ZNF469: variants seen among roughly 807,000 people sequenced by gnomAD.
ZNF469 encodes zinc finger protein 469.
ZNF469 carries 1 observed loss-of-function variant against 1.0 expected under a neutral mutation model. The observed-to-expected ratio is 1.00, with a 90% CI of 0.35 to 4.73. The LOEUF is 4.73. Ranked by LOEUF, ZNF469 falls within the 30% of genes most tolerant of loss-of-function variation. The probability of loss-of-function intolerance (pLI) is 0.16; values close to 1 mark genes in which losing one functional copy is unlikely to be tolerated. For synonymous variants in ZNF469, 2,703 were observed against 2,363.4 expected, an observed-to-expected ratio of 1.14 and a Z score of -4.17; for missense variants, 6,100 against 5,356.3, an observed-to-expected ratio of 1.14 and a Z score of -4.33.
At chr16:88,279,430 C>G in the ZNF469 span, among the ~76,000 whole-genome samples, 3 of 147,560 alleles carry the variant, frequency 2.0e-5, no homozygotes, top group Non-Finnish European at 4.4e-5. Flanking sequence ...GACACTCGGT[C>G]AGTACCATGT....
the ZNF469 span, among the ~76,000 whole-genome samples, chr16:88,268,607 C>T: frequency 6.6e-6 from 1 of 152,224 alleles, no homozygotes; most frequent in African/African-American, 2.4e-5. Flanking sequence ...GGGTCAAGTG[C>T]TTGGTGCCTC....
the ZNF469 span, among the ~76,000 whole-genome samples, chr16:88,109,318 T>C: frequency 0.25 from 38,235 of 152,088 alleles, 6,657 homozygotes; most frequent in East Asian, 0.53. Flanking sequence ...GCTCCCCCTG[T>C]CCAGGCCCAC....
the ZNF469 span, among the ~76,000 whole-genome samples, chr16:88,265,313 G>A: frequency 6.6e-6 from 1 of 152,194 alleles, no homozygotes; most frequent in African/African-American, 2.4e-5. Context: ...GAGGCCAGGG[G>A]CCTTCCTGGG....
At chr16:88,376,077 C>T in the ZNF469 span, among the ~76,000 whole-genome samples, 2 of 152,226 alleles carry the variant, frequency 1.3e-5, no homozygotes, top group Non-Finnish European at 2.9e-5. Context: ...AGGTTCAGGG[C>T]GGGCGGCACG....
chr16:88,331,664 TTCATCACCACCATCACTATTATCACCA>T, the ZNF469 span, among the ~76,000 whole-genome samples: 2 of 124,632 alleles, frequency 1.6e-5, no homozygotes, highest in South Asian at 5.6e-4. Context: ...CATCATCATC[TTCATCACCACCATCACTATTATCACCA>T]TCATCACCAC....
chr16:88,126,185 TC>T, the ZNF469 span, among the ~76,000 whole-genome samples: 2 of 66,286 alleles, frequency 3.0e-5, 1 homozygote. Context: ...TGAGACTCCA[TC>T]CCAAAAAAAA....
chr16:88,355,788 G>A, the ZNF469 span, among the ~76,000 whole-genome samples: 1 of 152,180 alleles, frequency 6.6e-6, no homozygotes, highest in African/African-American at 2.4e-5. Flanking sequence ...CGGGGCCGGG[G>A]GACACTCAGG....
chr16:88,253,398 G>C, the ZNF469 span, among the ~76,000 whole-genome samples: 9 of 151,902 alleles, frequency 5.9e-5, no homozygotes, highest in Non-Finnish European at 1.3e-4. Context: ...TAGTGAGCGT[G>C]AGGCTGCATC....
chr16:88,366,810 A>T, the ZNF469 span, among the ~76,000 whole-genome samples: 1 of 151,172 alleles, frequency 6.6e-6, no homozygotes, highest in Middle Eastern at 3.3e-3. Context: ...CATTACTGTC[A>T]TCACCACCAC....
At chr16:88,276,455 G>A in the ZNF469 span, 1 of 152,178 alleles carries the variant, frequency 6.6e-6, no homozygotes, top group Non-Finnish European at 1.5e-5. Flanking sequence ...CAGCCTAAAT[G>A]TCTGTGTGTG....
chr16:88,433,548 G>C lies in ZNF469; in HGVS notation c.6078G>C (p.Leu2026=), dbSNP rs769330310. ...ASVNASPKTA[L]TGPTEGAVLL... ...TCAATGCCAGTCCCAAAACAGCGCT[G>C]ACCGGCCCCACCGAGGGTGCAGTCC... The change falls in exon 3 of 3, where the codon CTG becomes CTC. Residue 2026 remains leucine (L), a synonymous_variant. Transcript: ENST00000565624. 42 of 1,550,290 alleles carry C rather than the reference G, an allele frequency of 2.7e-5. No individual in the cohort carries two copies. In the African/African-American group the frequency reaches 5.3e-4, roughly 20 times the overall value.
chr16:88,387,776 C>G (rs952496872), intron 1 of ZNF469, among the ~76,000 whole-genome samples: 1 of 152,154 alleles, frequency 6.6e-6, no homozygotes, highest in African/African-American at 2.4e-5. Flanking sequence ...GTATGGTGGA[C>G]CTGGGGCTCC....
chr16:88,390,552 C>T (rs1904457713), intron 1 of ZNF469, among the ~76,000 whole-genome samples: 1 of 152,222 alleles, frequency 6.6e-6, no homozygotes, highest in African/African-American at 2.4e-5. Context: ...TCAGTTTCCC[C>T]TTCCTAGGCA....
At chr16:88,230,957 A>G in the ZNF469 span, among the ~76,000 whole-genome samples, 3 of 152,098 alleles carry the variant, frequency 2.0e-5, no homozygotes, top group Non-Finnish European at 2.9e-5. Flanking sequence ...CCTTTGGTGT[A>G]GGCTCTGGCG....
At position 88,439,495 on chromosome 16, in the gene ZNF469, G is replaced by A; in HGVS notation, c.*163G>A. The A allele has an allele frequency of 1.3e-6, 1 of 767,634 alleles. No homozygotes were observed. Among genetic ancestry groups the A allele is most frequent in the Admixed American group, 2.6e-5 (1 of 38,396 alleles). The allele number at this position is 767,634 out of a possible 1,614,324, so 47.6% of individuals were successfully genotyped here. On this transcript the variant is annotated 3_prime_UTR_variant, in exon 3 of 3. Transcript: ENST00000565624. ...AGCTGAGGTGGTGATGCTTTGAACAGGGCCCAGGTGGGCAGCATTCCCTTT... is the reference window on the plus strand; with the variant it reads ...AGCTGAGGTGGTGATGCTTTGAACAAGGCCCAGGTGGGCAGCATTCCCTTT...
Position 88,431,456 on chromosome 16 carries a change from C to G in ZNF469, c.3986C>G (p.Ala1329Gly). 6.5e-7 allele frequency: 1 copy of G among 1,550,372 alleles called. No homozygotes were observed. Residue 1329 changes from alanine (A) to glycine (G), a missense_variant, in exon 3 of 3, where the codon GCA (alanine) becomes GGA (glycine). Coordinates refer to ENST00000565624, the MANE Select transcript of ZNF469 (RefSeq NM_001367624.2). ...GCCCGCCAGCCTGGAGAATTTCTGG[C>G]ACCCGTGGCTAACCCCTCAAGTACC... Reference protein sequence around the residue: ...PPARQPGEFLAPVANPSSTAC... With the variant: ...PPARQPGEFLGPVANPSSTAC...
the ZNF469 span, among the ~76,000 whole-genome samples, chr16:88,217,025 T>C: frequency 6.6e-6 from 1 of 152,370 alleles, no homozygotes; most frequent in African/African-American, 2.4e-5. Flanking sequence ...CAAGGTTATT[T>C]GAAAGTTGTT....
chr16:88,368,230 G>T, the ZNF469 span, among the ~76,000 whole-genome samples: 8 of 152,340 alleles, frequency 5.3e-5, 1 homozygote, highest in African/African-American at 9.6e-5. Flanking sequence ...GTTGGAGTCC[G>T]GAGCCAGTCA....
chr16:88,146,924 G>T, the ZNF469 span, among the ~76,000 whole-genome samples: 2 of 151,988 alleles, frequency 1.3e-5, no homozygotes, highest in African/African-American at 4.8e-5. Flanking sequence ...ACGGTACAGC[G>T]TGGGTGGCCT....
Sources: allele counts gnomAD v4.1 joint callset (sites outside exome capture counted in the v4.1 genomes callset), GRCh38; gene constraint gnomAD v4.1.1; transcripts MANE v1.5; gene names NCBI Gene and HGNC (gene_info 2026-07-23, HGNC 2026-07-21).